NAALADL2: variants seen among roughly 807,000 people sequenced by gnomAD.
The protein encoded by NAALADL2 is N-acetylated alpha-linked acidic dipeptidase like 2.
A neutral mutation model predicts 87.2 loss-of-function variants in NAALADL2; 76 were observed. The observed-to-expected ratio is 0.87, with a 90% confidence interval of 0.72 to 1.05. The LOEUF (loss-of-function observed/expected upper bound fraction) is 1.05, where lower values mean the gene tolerates loss of function less well. Among genes scored for constraint, NAALADL2 ranks in the 50% least tolerant of loss-of-function variants. The pLI is 0.00. For missense variants in NAALADL2, 1,089 were observed against 945.8 expected (o/e 1.15, Z -1.99); for synonymous variants, 354 against 331.0 (o/e 1.07, Z -0.75).
At chr3:175,326,591 G>A (rs773440054) in intron 5 of NAALADL2, among the ~76,000 whole-genome samples, 1 of 152,164 alleles carries the variant, frequency 6.6e-6, no homozygotes, top group Admixed American at 6.5e-5. Flanking sequence ...GCTTGAAACT[G>A]AGTAATTTAT....
intron 1 of NAALADL2, among the ~76,000 whole-genome samples, chr3:174,473,393 A>G (rs990991809): frequency 6.6e-6 from 1 of 152,162 alleles, no homozygotes; most frequent in Non-Finnish European, 1.5e-5. Context: ...AAGAGCCACC[A>G]TCACATTTTC....
intron 2 of NAALADL2, among the ~76,000 whole-genome samples, chr3:174,670,134 T>C (rs1726385385): frequency 5.3e-5 from 8 of 152,068 alleles, no homozygotes; most frequent in Admixed American, 4.6e-4. Context: ...AACAGTTTTT[T>C]TTGTGGAAAC....
intron 2 of NAALADL2, among the ~76,000 whole-genome samples, chr3:175,145,625 C>T (rs1364610032): frequency 6.6e-6 from 1 of 151,926 alleles, no homozygotes; most frequent in Non-Finnish European, 1.5e-5. Flanking sequence ...TTGTTCTTGG[C>T]TGATTTGCTG....
chr3:175,049,321 G>C (rs1755067875), intron 1 of NAALADL2, among the ~76,000 whole-genome samples: 1 of 152,158 alleles, frequency 6.6e-6, no homozygotes, highest in African/African-American at 2.4e-5. Flanking sequence ...ATGCTACCCA[G>C]AATGGTGAGC....
At chr3:174,664,083 C>A (rs1386284842) in intron 2 of NAALADL2, among the ~76,000 whole-genome samples, 2 of 152,150 alleles carry the variant, frequency 1.3e-5, no homozygotes, top group African/African-American at 4.8e-5. Context: ...GCCACCACGC[C>A]TGGCTATTCA....
rs914724873 is a variant in NAALADL2 at position 175,410,791 on chromosome 3, C to T, written c.1091-36438C>T. ...GTATGCCTTAGCTTAGAGAACTCGG[C>T]AGGTGGTTCAGATTTACAGTGAGCG... On this transcript the variant is annotated intron_variant, in intron 5 of 13. Coordinates refer to ENST00000454872, the MANE Select transcript of NAALADL2 (RefSeq NM_207015.3). 3.3e-5 allele frequency among the ~76,000 whole-genome samples: 5 copies of T among 152,216 alleles called. No individual in the cohort carries two copies. In the East Asian group the frequency reaches 9.7e-4, roughly 29 times the overall value.
Position 174,602,424 on chromosome 3 carries a change from G to A in NAALADL2, c.-115+51787G>A, listed in dbSNP as rs189080727. Among the ~76,000 whole-genome samples the A allele has an allele frequency of 4.6e-5, 7 of 151,924 alleles. No individual in the cohort carries two copies. In the East Asian group the frequency reaches 1.4e-3, roughly 29 times the overall value. The stretch of plus-strand genomic sequence containing the variant: ...TTCTTTTTCAGATTGTTGACTGTTG[G>A]CATATAGAAATGCTACTGACTTTTG... On this transcript the variant is annotated intron_variant, in intron 2 of 3. Transcript: ENST00000434257.
rs539339309 is a variant in NAALADL2 at position 175,128,698 on chromosome 3, G to A, written c.545+31407G>A. Among the ~76,000 whole-genome samples, 18 of 152,198 alleles carry A rather than the reference G, an allele frequency of 1.2e-4. No homozygotes were observed. In the South Asian group the frequency reaches 3.7e-3, roughly 32 times the overall value. On this transcript the variant is annotated intron_variant, in intron 2 of 13. Transcript: ENST00000454872. ...AAGGGAAGTGTTATAAAGCTCCAGTGCATTCTTTTCATTTCAGATTCTTTG... is the reference window on the plus strand; with the variant it reads ...AAGGGAAGTGTTATAAAGCTCCAGTACATTCTTTTCATTTCAGATTCTTTG...
chr3:175,494,445 A>G (rs1158598410), intron 9 of NAALADL2, among the ~76,000 whole-genome samples: 1 of 152,114 alleles, frequency 6.6e-6, no homozygotes, highest in East Asian at 1.9e-4. Flanking sequence ...CAAGGAAATT[A>G]TACATTCCCT....
intron 1 of NAALADL2, among the ~76,000 whole-genome samples, chr3:174,459,072 A>T (rs1716038841): frequency 6.6e-6 from 1 of 152,160 alleles, no homozygotes; most frequent in Admixed American, 6.5e-5. Flanking sequence ...TCTTTGACAA[A>T]ATGGGAAAAT....
intron 1 of NAALADL2, among the ~76,000 whole-genome samples, chr3:174,932,464 G>C (rs1208039447): frequency 6.6e-6 from 1 of 152,074 alleles, no homozygotes; most frequent in Non-Finnish European, 1.5e-5. Flanking sequence ...AGGAACAATT[G>C]GCTCCATAAA....
At chr3:175,078,716 C>T (rs1391911083) in intron 1 of NAALADL2, among the ~76,000 whole-genome samples, 1 of 152,168 alleles carries the variant, frequency 6.6e-6, no homozygotes, top group Admixed American at 6.5e-5. Context: ...ACTTCTTTCA[C>T]GTAGGAAGAT....
intron 2 of NAALADL2, among the ~76,000 whole-genome samples, chr3:175,172,746 AT>A (rs1220392454): frequency 6.6e-6 from 1 of 152,174 alleles, no homozygotes; most frequent in Non-Finnish European, 1.5e-5. Flanking sequence ...AAGGAATTTC[AT>A]TGAAGAAATG....
chr3:175,527,962 T>C (rs1382578061), intron 9 of NAALADL2, among the ~76,000 whole-genome samples: 1 of 152,122 alleles, frequency 6.6e-6, no homozygotes, highest in Non-Finnish European at 1.5e-5. Flanking sequence ...GTCCACAGAT[T>C]CCGAATCTTG....
chr3:174,999,439 A>G (rs905685630), intron 1 of NAALADL2, among the ~76,000 whole-genome samples: 7 of 152,066 alleles, frequency 4.6e-5, no homozygotes, highest in Non-Finnish European at 1.0e-4. Flanking sequence ...TATTAGATTT[A>G]TTTGAACTGT....
chr3:175,463,724 G>GAGAGAGAGAGAGAGAGAGAGAC lies in NAALADL2; in HGVS notation c.1327+243_1327+244insAGAGAGAGACAGAGAGAGAGAG, dbSNP rs145842620. On this transcript the variant is annotated intron_variant, in intron 7 of 13. Transcript: ENST00000454872. ...GGGGAGAGAGAGAGAGAGAGAGAGA[G>GAGAGAGAGAGAGAGAGAGAGAC]AGAGAGAGAGAGGTGGGGATCTCTC... Among the ~76,000 whole-genome samples the GAGAGAGAGAGAGAGAGAGAGAC allele has an allele frequency of 5.6e-4, 83 of 148,232 alleles. 1 individual carries two copies. The highest frequency in any genetic ancestry group is 2.0e-3 in the African/African-American group (78 of 38,636).
intron 5 of NAALADL2, among the ~76,000 whole-genome samples, chr3:175,328,929 C>T (rs1253646560): frequency 1.3e-5 from 2 of 152,062 alleles, no homozygotes; most frequent in South Asian, 2.1e-4. Context: ...GAAAAGAAAA[C>T]CCTTTCCAAA....
At chr3:175,074,771 A>G (rs1716281514) in intron 1 of NAALADL2, among the ~76,000 whole-genome samples, 1 of 151,950 alleles carries the variant, frequency 6.6e-6, no homozygotes, top group East Asian at 1.9e-4. Flanking sequence ...AGGAACGTGC[A>G]TGGGAGTAGA....
At chr3:174,889,586 A>T (rs2109781419) in intron 1 of NAALADL2, among the ~76,000 whole-genome samples, 1 of 152,238 alleles carries the variant, frequency 6.6e-6, no homozygotes, top group African/African-American at 2.4e-5. Flanking sequence ...ATCTAAAATC[A>T]GATTTAACAT....
Sources: gnomAD v4.1 joint callset for allele counts (sites outside exome capture counted in the v4.1 genomes callset) on GRCh38, gnomAD v4.1.1 for gene constraint, MANE v1.5 for transcripts, NCBI Gene and HGNC (gene_info 2026-07-23, HGNC 2026-07-21) for gene names.